The following SDK1 variants were observed in gnomAD, a reference collection of about 807,000 sequenced individuals.
The protein encoded by SDK1 is protein sidekick-1.
SDK1 carries 157 observed loss-of-function variants against 245.5 expected under a neutral mutation model. That is an observed-to-expected ratio of 0.64 (90% confidence interval 0.56 to 0.73). SDK1 has a LOEUF of 0.73. SDK1 is among the 30% of genes least tolerant of loss of function. SDK1 has a pLI of 0.00. For synonymous variants in SDK1, 1,647 were observed against 1,278.5 expected (o/e 1.29, Z -6.15); for missense variants, 3,583 against 3,002.3 (o/e 1.19, Z -4.52).
intron 1 of SDK1, among the ~76,000 whole-genome samples, chr7:3,412,109 C>T (rs965391801): frequency 2.6e-5 from 4 of 152,072 alleles, no homozygotes; most frequent in Non-Finnish European, 5.9e-5. Flanking sequence ...TTAGCTGAAA[C>T]ATTTGAAAGT....
intron 4 of SDK1, among the ~76,000 whole-genome samples, chr7:3,816,358 TAAAG>T (rs1386674598): frequency 6.9e-6 from 1 of 145,546 alleles, no homozygotes; most frequent in Non-Finnish European, 1.5e-5. Context: ...GCAAGACTAA[TAAAG>T]AAAAAAAGAG....
Position 4,130,156 on chromosome 7 carries a change from T to G in SDK1, c.4129+59T>G, listed in dbSNP as rs1159010410. The G allele has an allele frequency of 2.7e-6, 4 of 1,464,012 alleles. No individual in the cohort carries two copies. The East Asian group carries it at 9.7e-5, about 35-fold the overall frequency. 90.7% of individuals were successfully genotyped at this position (1,464,012 alleles called of 1,614,324 possible). On this transcript the variant is annotated intron_variant, in intron 27 of 44. Transcript: ENST00000404826. ...CTGCCTCCCAGGTTGGCCTTTCCAA[T>G]GCAAACAATTTGGATTGTTGTCGCT...
intron 19 of SDK1, among the ~76,000 whole-genome samples, chr7:4,062,479 A>G (rs1184556850): frequency 6.6e-6 from 1 of 152,170 alleles, no homozygotes; most frequent in Non-Finnish European, 1.5e-5. Context: ...TCTCCCAACA[A>G]AGAAAAACCC....
chr7:3,978,744 C>G (rs750998150), intron 13 of SDK1, among the ~76,000 whole-genome samples: 6 of 151,710 alleles, frequency 4.0e-5, no homozygotes, highest in Non-Finnish European at 8.8e-5. Flanking sequence ...ACTCAGATAA[C>G]CAAAAAAAAA....
intron 4 of SDK1, among the ~76,000 whole-genome samples, chr7:3,782,594 G>A (rs780209971): frequency 1.3e-5 from 2 of 152,154 alleles, no homozygotes; most frequent in Non-Finnish European, 2.9e-5. Flanking sequence ...ATACAAAGGA[G>A]TACCAATACT....
Position 3,962,227 on chromosome 7 carries a change from G to A in SDK1, c.1235-430G>A, listed in dbSNP as rs542814212. 3.2e-4 allele frequency among the ~76,000 whole-genome samples: 49 copies of A among 152,338 alleles called. 1 individual carries two copies. The South Asian group carries it at 9.3e-3, about 29-fold the overall frequency. ...TGCCCAAGGTGACACTGTCCGCGAG[G>A]CATGGACCTGGGATGTGGCCTGTGT... On this transcript the variant is annotated intron_variant, in intron 8 of 44. Coordinates refer to ENST00000404826, the MANE Select transcript of SDK1 (RefSeq NM_152744.4).
chr7:3,358,836 C>G lies in SDK1; in HGVS notation c.298+56952C>G, dbSNP rs569338679. Among the ~76,000 whole-genome samples the G allele has an allele frequency of 1.1e-4, 17 of 152,316 alleles. 1 individual carries two copies. In the South Asian group the frequency reaches 1.2e-3, roughly 11 times the overall value. On this transcript the variant is annotated intron_variant, in intron 1 of 44. Coordinates refer to ENST00000404826, the MANE Select transcript of SDK1 (RefSeq NM_152744.4). ...TCAAGCATTTAATAAATGTGTTAAA[C>G]ATTTTAACTATTATTTCCTCTTTTC...
At chr7:3,956,226 A>G (rs535916133) in intron 7 of SDK1, among the ~76,000 whole-genome samples, 1 of 152,242 alleles carries the variant, frequency 6.6e-6, no homozygotes, top group South Asian at 2.1e-4. Context: ...CTGAAGAGTA[A>G]GTGGTTGAGA....
chr7:4,251,463 T>C (rs1037722092), intron 44 of SDK1, among the ~76,000 whole-genome samples: 1 of 152,218 alleles, frequency 6.6e-6, no homozygotes, highest in Non-Finnish European at 1.5e-5. Context: ...CACATAGGAA[T>C]TGTTGTCTAC....
chr7:4,043,848 C>T (rs1356521763), intron 17 of SDK1, among the ~76,000 whole-genome samples: 3 of 152,158 alleles, frequency 2.0e-5, no homozygotes, highest in South Asian at 4.2e-4. Context: ...CTAAACCTAC[C>T]GAGAATGAGA....
At chr7:3,451,771 A>G (rs778231531) in intron 1 of SDK1, among the ~76,000 whole-genome samples, 1 of 152,186 alleles carries the variant, frequency 6.6e-6, no homozygotes, top group Non-Finnish European at 1.5e-5. Flanking sequence ...TCTCCTTCAA[A>G]ACGTCCACAT....
At chr7:3,402,586 A>G (rs1247748823) in intron 1 of SDK1, among the ~76,000 whole-genome samples, 5 of 152,208 alleles carry the variant, frequency 3.3e-5, no homozygotes, top group Non-Finnish European at 1.5e-5. Flanking sequence ...TGAAATAAGA[A>G]TGTGCATTGT....
intron 1 of SDK1, among the ~76,000 whole-genome samples, chr7:3,359,487 A>T (rs1184539040): frequency 1.3e-5 from 2 of 152,210 alleles, no homozygotes; most frequent in Non-Finnish European, 1.5e-5. Flanking sequence ...CACAGAGGCT[A>T]GTAGCCTTTA....
At chr7:4,163,954 G>A (rs1203359778) in intron 32 of SDK1, among the ~76,000 whole-genome samples, 2 of 152,186 alleles carry the variant, frequency 1.3e-5, no homozygotes, top group African/African-American at 4.8e-5. Flanking sequence ...TAACAAGCTG[G>A]GTTCTGTGAA....
chr7:3,813,688 C>T lies in SDK1; in HGVS notation c.714-7762C>T, dbSNP rs1364003571. On this transcript the variant is annotated intron_variant, in intron 4 of 44. Transcript: ENST00000404826. Reference sequence around the variant, plus strand: ...TCTAGATCCCCGAGGAATCGCCACACTGACTTCCACAATGGTTGAACTAGT... The same window carrying T: ...TCTAGATCCCCGAGGAATCGCCACATTGACTTCCACAATGGTTGAACTAGT... 3.8e-5 allele frequency among the ~76,000 whole-genome samples: 5 copies of T among 131,572 alleles called. No individual in the cohort carries two copies. In the South Asian group the frequency reaches 1.0e-3, roughly 27 times the overall value. The allele number at this position is 131,572 out of a possible 152,430, so 86.3% of individuals were successfully genotyped here.
At chr7:4,051,160 A>AT (rs1789442932) in intron 18 of SDK1, among the ~76,000 whole-genome samples, 1 of 140,034 alleles carries the variant, frequency 7.1e-6, no homozygotes, top group African/African-American at 2.6e-5. Context: ...ATATACATAT[A>AT]GTATATATGT....
chr7:3,608,695 CAT>C (rs542640967), intron 1 of SDK1, among the ~76,000 whole-genome samples: 43 of 152,306 alleles, frequency 2.8e-4, no homozygotes, highest in Non-Finnish European at 5.0e-4. Context: ...CCAGGAAAGA[CAT>C]GTGTATGGAT....
intron 5 of SDK1, among the ~76,000 whole-genome samples, chr7:3,830,152 T>G (rs1779879002): frequency 6.6e-6 from 1 of 152,120 alleles, no homozygotes; most frequent in Non-Finnish European, 1.5e-5. Context: ...TTTTGCACAG[T>G]GAGTAAACTT....
At chr7:4,172,927 A>G (rs1174657895) in intron 32 of SDK1, among the ~76,000 whole-genome samples, 3 of 152,222 alleles carry the variant, frequency 2.0e-5, no homozygotes, top group Non-Finnish European at 4.4e-5. Flanking sequence ...TGACCTTGTC[A>G]AAACCAATTG....
Sources: gnomAD v4.1 joint callset for allele counts (sites outside exome capture counted in the v4.1 genomes callset) on GRCh38, gnomAD v4.1.1 for gene constraint, MANE v1.5 for transcripts, NCBI Gene and HGNC (gene_info 2026-07-23, HGNC 2026-07-21) for gene names.